Variants in MLIP observed in about 807,000 individuals in gnomAD.
The protein encoded by MLIP is muscular LMNA interacting protein, also known as muscular LMNA-interacting protein.
In MLIP, 79 loss-of-function variants were observed where a neutral mutation model predicts 84.8. The ratio of observed to expected loss-of-function variants is 0.93; its 90% CI spans 0.78 to 1.12. MLIP has a LOEUF of 1.12. Ranked by LOEUF, MLIP falls within the 50% of genes most tolerant of loss-of-function variation. The pLI, the probability that MLIP is intolerant of heterozygous loss-of-function variation, is 0.00. For synonymous variants in MLIP, 504 were observed against 463.0 expected, an observed-to-expected ratio of 1.09 and a Z score of -1.14; for missense variants, 1,257 against 1,160.6, an observed-to-expected ratio of 1.08 and a Z score of -1.21.
Position 54,048,990 on chromosome 6 carries a change from G to A in MLIP, c.63+29899G>A, listed in dbSNP as rs1765227721. Among the ~76,000 whole-genome samples, 2 of 152,190 alleles carry A rather than the reference G, an allele frequency of 1.3e-5. 1 individual carries two copies. Reference sequence around the variant, plus strand: ...GCACACTTGAGATAAAAATGCTGATGTCCTGGGTCATCTGGCTACTTTTAG... The same window carrying A: ...GCACACTTGAGATAAAAATGCTGATATCCTGGGTCATCTGGCTACTTTTAG... On this transcript the variant is annotated intron_variant, in intron 1 of 12. Transcript: ENST00000274897.
At chr6:54,126,442 C>T (rs1047653046) in intron 3 of MLIP, among the ~76,000 whole-genome samples, 1 of 151,610 alleles carries the variant, frequency 6.6e-6, no homozygotes, top group African/African-American at 2.4e-5. Context: ...TATTAGAGCT[C>T]TAAATAAAAA....
chr6:54,070,962 AAAAAC>A (rs1388196601), intron 1 of MLIP, among the ~76,000 whole-genome samples: 1 of 152,176 alleles, frequency 6.6e-6, no homozygotes, highest in Non-Finnish European at 1.5e-5. Context: ...AGAGATTAAT[AAAAAC>A]AAAACATAAT....
At position 54,202,086 on chromosome 6, in the gene MLIP, T is replaced by G; in HGVS notation, c.2590-19T>G. 6.7e-7 allele frequency: 1 copy of G among 1,487,728 alleles called. No individual in the cohort carries two copies. The highest frequency in any genetic ancestry group is 9.0e-7 in the Non-Finnish European group (1 of 1,112,426). The allele number at this position is 1,487,728 out of a possible 1,614,324, so 92.2% of individuals were successfully genotyped here. On this transcript the variant is annotated intron_variant, in intron 10 of 13. Transcript: ENST00000502396. The stretch of plus-strand genomic sequence containing the variant: ...TGTTTTTTTCCTGTTTTTAAAATAT[T>G]TATTTTACATTCATGAAGACTAAGC...
At chr6:54,252,230 CATATAAT>C (rs1272163236) in intron 12 of MLIP, among the ~76,000 whole-genome samples, 21 of 96,576 alleles carry the variant, frequency 2.2e-4, no homozygotes, top group Non-Finnish European at 3.5e-4. Context: ...TATATTATAA[CATATAAT>C]ATATAAGTAT....
Position 54,093,328 on chromosome 6 carries a change from A to ATTC in MLIP, c.64-28119_64-28118insTTC, listed in dbSNP as rs1561923762. Among the ~76,000 whole-genome samples the ATTC allele has an allele frequency of 8.6e-5, 7 of 81,434 alleles. No individual in the cohort carries two copies. In the South Asian group the frequency reaches 2.5e-3, roughly 30 times the overall value. 53.4% of individuals were successfully genotyped at this position (81,434 alleles called of 152,430 possible). A position where few individuals can be genotyped will look rare whatever the true frequency, so the allele number is the denominator to read the frequency against. On this transcript the variant is annotated intron_variant, in intron 1 of 12. Coordinates refer to the MLIP transcript ENST00000274897. ...AGTGCTTATTAATATATTTTCGATT[A>ATTC]AATTCTATTCTATTCTATTCTATTC...
At chr6:54,087,627 G>A (rs1160459083) in intron 1 of MLIP, among the ~76,000 whole-genome samples, 2 of 152,078 alleles carry the variant, frequency 1.3e-5, no homozygotes, top group African/African-American at 4.8e-5. Context: ...GGGGGCCACT[G>A]CCCTCACATG....
chr6:54,135,946 G>A (rs115168110), intron 3 of MLIP, among the ~76,000 whole-genome samples: 6,471 of 152,074 alleles, frequency 0.043, 234 homozygotes, highest in South Asian at 0.12. Context: ...ATTTGGATTG[G>A]TGGGTTTCCT....
At chr6:54,074,517 AT>A (rs1193046345) in intron 1 of MLIP, among the ~76,000 whole-genome samples, 1 of 152,168 alleles carries the variant, frequency 6.6e-6, no homozygotes, top group African/African-American at 2.4e-5. Flanking sequence ...TAACTTTGAT[AT>A]TTTGCGGTAA....
chr6:54,169,167 T>C (rs149728703), intron 8 of MLIP, among the ~76,000 whole-genome samples: 3 of 151,736 alleles, frequency 2.0e-5, no homozygotes, highest in Admixed American at 6.6e-5. Context: ...AATGATTGAA[T>C]TGGAGTAGAT....
At chr6:54,161,026 A>G (rs1774585971) in intron 8 of MLIP, among the ~76,000 whole-genome samples, 1 of 152,042 alleles carries the variant, frequency 6.6e-6, no homozygotes, top group Admixed American at 6.6e-5. Context: ...AGGTAAGTGT[A>G]TACAGGGTTG....
intron 12 of MLIP, among the ~76,000 whole-genome samples, chr6:54,239,729 G>A (rs1582597195): frequency 6.6e-6 from 1 of 151,958 alleles, no homozygotes; most frequent in Non-Finnish European, 1.5e-5. Context: ...GGAGGTTGCA[G>A]TGAGGCAGGA....
intron 1 of MLIP, among the ~76,000 whole-genome samples, chr6:54,029,940 A>G (rs1764030667): frequency 6.6e-6 from 1 of 152,154 alleles, no homozygotes. Context: ...GACTTGCCTC[A>G]CAGAGCTGTC....
Position 54,137,033 on chromosome 6 carries a change from C to A in MLIP, c.964C>A (p.Leu322Met), listed in dbSNP as rs1239239355. 3 of 1,536,126 alleles carry A rather than the reference C, an allele frequency of 2.0e-6. No individual in the cohort carries two copies. The highest frequency in any genetic ancestry group is 2.7e-5 in the African/African-American group (2 of 73,170). ...AACTGCAGCAGATCCAAAGCCTGGA[C>A]TGACCTCTGAAGTTCTCAAGAAGAC... ...SSTAADPKPG[L>M]TSEVLKKTTL... The change falls in exon 4 of 14, where the codon CTG becomes ATG. Residue 322 changes from leucine to methionine, a missense_variant. Transcript: ENST00000502396.
intron 12 of MLIP, among the ~76,000 whole-genome samples, chr6:54,234,738 T>C (rs1781249995): frequency 6.6e-6 from 1 of 152,192 alleles, no homozygotes; most frequent in Non-Finnish European, 1.5e-5. Context: ...ACACAGTTGA[T>C]CATTTCCTCT....
At chr6:54,073,877 C>G (rs190864027) in intron 1 of MLIP, among the ~76,000 whole-genome samples, 2 of 152,314 alleles carry the variant, frequency 1.3e-5, no homozygotes, top group African/African-American at 4.8e-5. Context: ...ATTCAGTTCA[C>G]TTATTATATT....
chr6:54,132,289 A>G (rs1169921006), intron 3 of MLIP, among the ~76,000 whole-genome samples: 2 of 152,192 alleles, frequency 1.3e-5, no homozygotes, highest in Non-Finnish European at 2.9e-5. Flanking sequence ...TCTGTTTTAT[A>G]TCTATGTTAG....
intron 3 of MLIP, among the ~76,000 whole-genome samples, chr6:54,135,572 A>G (rs1771725200): frequency 6.6e-6 from 1 of 152,116 alleles, no homozygotes; most frequent in African/African-American, 2.4e-5. Flanking sequence ...AAGTTTTGCT[A>G]AGTTTGATTG....
At chr6:54,136,441 C>A (rs567125173) in intron 3 of MLIP, among the ~76,000 whole-genome samples, 2 of 152,268 alleles carry the variant, frequency 1.3e-5, no homozygotes, top group South Asian at 4.1e-4. Flanking sequence ...ATGCTGTCAA[C>A]GAATTATCTT....
chr6:54,023,325 T>C (rs879351799), intron 1 of MLIP, among the ~76,000 whole-genome samples: 8 of 151,694 alleles, frequency 5.3e-5, no homozygotes, highest in Admixed American at 1.3e-4. Flanking sequence ...CTCTTTGAGA[T>C]TGAGAAAGAA....
Sources: allele counts gnomAD v4.1 joint callset (sites outside exome capture counted in the v4.1 genomes callset), GRCh38; gene constraint gnomAD v4.1.1; transcripts MANE v1.5; gene names NCBI Gene and HGNC (gene_info 2026-07-23, HGNC 2026-07-21).